The following PCYOX1 variants were observed in gnomAD, a reference collection of about 807,000 sequenced individuals.
PCYOX1 encodes prenylcysteine lyase.
In PCYOX1, 46 loss-of-function variants were observed where a neutral mutation model predicts 46.4. That is an observed-to-expected ratio of 0.99 (90% CI 0.78 to 1.27). The LOEUF is 1.27. PCYOX1 is among the 50% of genes most tolerant of loss of function. PCYOX1 has a pLI of 0.00. For missense variants in PCYOX1, 658 were observed against 628.3 expected (o/e 1.05, Z -0.51); for synonymous variants, 220 against 231.8 (o/e 0.95, Z 0.46).
intron 3 of PCYOX1, among the ~76,000 whole-genome samples, chr2:70,272,992 C>G (rs10165433): frequency 0.029 from 4,464 of 152,160 alleles, 213 homozygotes; most frequent in African/African-American, 0.1. Context: ...GCCACCATAC[C>G]CAGCAGTGTA....
At chr2:70,261,740 AC>A (rs1176273074) in intron 3 of PCYOX1, among the ~76,000 whole-genome samples, 1 of 152,156 alleles carries the variant, frequency 6.6e-6, no homozygotes, top group African/African-American at 2.4e-5. Context: ...AGGCAAGTTC[AC>A]CCACATAGTA....
rs767390568 is a variant in PCYOX1, at chr2:70,277,208, G to A, written c.1334G>A (p.Cys445Tyr). Residue 445 changes from cysteine to tyrosine, a missense_variant, in exon 6 of 6, where the codon TGC (cysteine) becomes TAC (tyrosine). Physicochemically the swap from Cys to Tyr is radical, Grantham distance 194 (BLOSUM62 -2). Transcript: ENST00000433351. Reference sequence around the variant, plus strand: ...CCTCACTATAAGCCCCCGGAGAAATGCCCCTCTATCATTCTCCATGATCGA... The same window carrying A: ...CCTCACTATAAGCCCCCGGAGAAATACCCCTCTATCATTCTCCATGATCGA... ...AYPHYKPPEK[C>Y]PSIILHDRLY... 1 of 1,614,038 alleles carries A rather than the reference G, an allele frequency of 6.2e-7. No individual in the cohort carries two copies. Among genetic ancestry groups the A allele is most frequent in the Non-Finnish European group, 8.5e-7 (1 of 1,179,996 alleles).
chr2:70,261,536 A>G (rs1194917149), intron 3 of PCYOX1, 150 bp downstream of exon 3: 3 of 611,818 alleles, frequency 4.9e-6, no homozygotes, highest in Non-Finnish European at 8.6e-6. Context: ...GTTTTGTAGA[A>G]ACTATGCAGA....
At chr2:70,271,703 A>G (rs1696603083) in intron 3 of PCYOX1, among the ~76,000 whole-genome samples, 1 of 152,162 alleles carries the variant, frequency 6.6e-6, no homozygotes, top group Admixed American at 6.6e-5. Context: ...CACCGTATCC[A>G]ATGTTTGTAA....
upstream of PCYOX1, chr2:70,258,020 G>C: frequency 3.7e-6 from 2 of 547,754 alleles, no homozygotes; most frequent in Non-Finnish European, 6.0e-6. Flanking sequence ...GACCGGCGGG[G>C]CGAGGTCGGG....
chr2:70,259,476 A>G lies in PCYOX1; in HGVS notation c.229A>G (p.Thr77Ala), dbSNP rs1696402618. The G allele has an allele frequency of 6.2e-7, 1 of 1,614,114 alleles. No individual in the cohort carries two copies. Among genetic ancestry groups the G allele is most frequent in the Non-Finnish European group, 8.5e-7 (1 of 1,180,002 alleles). ...AGAAGAGGTCGGGGGCCGCCTGGCT[A>G]CCATGATGGTGCAGGGGCAAGAATA... ...EREEVGGRLA[T>A]MMVQGQEYEA... The change falls in exon 2 of 6, where the codon ACC becomes GCC. Residue 77 changes from threonine to alanine, a missense_variant. By Grantham distance (58) the Thr-to-Ala change is moderately conservative. Transcript: ENST00000433351.
chr2:70,262,477 ATTTTT>A (rs1425261526), intron 3 of PCYOX1, among the ~76,000 whole-genome samples: 2 of 115,064 alleles, frequency 1.7e-5, no homozygotes, highest in African/African-American at 3.3e-5. Context: ...GCATGTGCTA[ATTTTT>A]TTTTTTTTTT....
At chr2:70,274,885 C>A in intron 3 of PCYOX1, 74 bp from the exon 4 acceptor site, 1 of 939,806 alleles carries the variant, frequency 1.1e-6, no homozygotes, top group South Asian at 1.3e-5. Flanking sequence ...TCTTATGACG[C>A]CACTTCCCTT....
At chr2:70,270,017 G>A (rs1043587271) in intron 3 of PCYOX1, among the ~76,000 whole-genome samples, 2 of 150,080 alleles carry the variant, frequency 1.3e-5, no homozygotes, top group Admixed American at 6.7e-5. Context: ...TTCTTTCGAC[G>A]GAGTCTCCCT....
intron 2 of PCYOX1, among the ~76,000 whole-genome samples, chr2:70,259,976 C>A (rs1331646973): frequency 6.6e-6 from 1 of 152,106 alleles, no homozygotes; most frequent in East Asian, 1.9e-4. Flanking sequence ...CCACCACGCC[C>A]AGCTAATTTT....
At chr2:70,262,348 T>G (rs1465696912) in intron 3 of PCYOX1, among the ~76,000 whole-genome samples, 1 of 151,062 alleles carries the variant, frequency 6.6e-6, no homozygotes, top group African/African-American at 2.4e-5. Context: ...GTATTTTTAG[T>G]AGAGATGGGG....
In PCYOX1 at chr2:70,277,989, CCTGA is replaced by C. The variant is rs1293918313; in HGVS notation, c.*600_*603del. 6.6e-6 allele frequency: 1 copy of C among 152,220 alleles called. No individual in the cohort carries two copies. The highest frequency in any genetic ancestry group is 2.4e-5 in the African/African-American group (1 of 41,434). The allele number at this position is 152,220 out of a possible 1,614,324, so 9.4% of individuals were successfully genotyped here. A position where few individuals can be genotyped will look rare whatever the true frequency, so the allele number is the denominator to read the frequency against. ...AATTTATGGGAGCTGGTGTCTTATG[CCTGA>C]CTCTTAGTAATTTCATACCGGTTTG... On this transcript the variant is annotated 3_prime_UTR_variant, in exon 6 of 6. Coordinates refer to ENST00000433351, the MANE Select transcript of PCYOX1 (RefSeq NM_016297.4).
At chr2:70,267,669 A>G (rs1438974916) in intron 3 of PCYOX1, among the ~76,000 whole-genome samples, 1 of 152,082 alleles carries the variant, frequency 6.6e-6, no homozygotes, top group Non-Finnish European at 1.5e-5. Flanking sequence ...CGCGCCTGCA[A>G]TCCCAGGCAC....
rs1696717904 is a variant in PCYOX1, at chr2:70,278,506, C to G, written c.*1114C>G. 1 of 152,410 alleles carries G rather than the reference C, an allele frequency of 6.6e-6. No individual in the cohort carries two copies. Among genetic ancestry groups the G allele is most frequent in the African/African-American group, 2.4e-5 (1 of 41,446 alleles). 9.4% of individuals were successfully genotyped at this position (152,410 alleles called of 1,614,324 possible). A position where few individuals can be genotyped will look rare whatever the true frequency, so the allele number is the denominator to read the frequency against. ...TAATCTTGATAATAAGCACAGACAG[C>G]CTAACAGCAGAGGCAACTTAAATAA... is the stretch of plus-strand genomic sequence containing the variant. On this transcript the variant is annotated 3_prime_UTR_variant, in exon 6 of 6. Transcript: ENST00000433351.
In PCYOX1 at chr2:70,277,748, A is replaced by G; in HGVS notation, c.*356A>G. On this transcript the variant is annotated 3_prime_UTR_variant, in exon 6 of 6. Coordinates refer to ENST00000433351, the MANE Select transcript of PCYOX1 (RefSeq NM_016297.4). ...ACGAGCAAAACTCCGTCTCAAAAGT[A>G]AATAAAAATAATCACCTGGAGTTTG... The G allele has an allele frequency of 5.7e-6, 1 of 174,180 alleles. No homozygotes were observed. Among genetic ancestry groups the G allele is most frequent in the Non-Finnish European group, 1.2e-5 (1 of 82,238 alleles). The allele number at this position is 174,180 out of a possible 1,614,324, so 10.8% of individuals were successfully genotyped here.
chr2:70,273,977 T>C (rs957532526), intron 3 of PCYOX1, among the ~76,000 whole-genome samples: 1 of 152,178 alleles, frequency 6.6e-6, no homozygotes, highest in Non-Finnish European at 1.5e-5. Flanking sequence ...GAAGAATAGA[T>C]GTTCCATGGT....
intron 4 of PCYOX1, 98 bp from the exon 5 acceptor site, chr2:70,275,416 A>G: frequency 7.9e-7 from 1 of 1,271,376 alleles, no homozygotes; most frequent in Non-Finnish European, 1.1e-6. Flanking sequence ...CAATGTCTAG[A>G]GACATTTGGA....
At chr2:70,273,661 T>C (rs1286619107) in intron 3 of PCYOX1, among the ~76,000 whole-genome samples, 2 of 152,226 alleles carry the variant, frequency 1.3e-5, no homozygotes, top group Non-Finnish European at 2.9e-5. Flanking sequence ...AAACCCCGTA[T>C]TACTTATCCC....
At chr2:70,258,001 G>A, upstream of PCYOX1, 1 of 500,586 alleles carries the variant, frequency 2.0e-6, no homozygotes, top group South Asian at 2.9e-5. Flanking sequence ...GCTCCTGCAG[G>A]GTTGAGAGGA....
Sources: allele counts gnomAD v4.1 joint callset (sites outside exome capture counted in the v4.1 genomes callset), GRCh38; gene constraint gnomAD v4.1.1; transcripts MANE v1.5; gene names NCBI Gene and HGNC (gene_info 2026-07-23, HGNC 2026-07-21).